Variants in RIC1 observed in about 807,000 individuals in gnomAD.
RIC1 encodes the protein guanine nucleotide exchange factor subunit RIC1.
In RIC1, 88 loss-of-function variants were observed where a neutral mutation model predicts 169.0. The observed-to-expected ratio is 0.52, with a 90% CI of 0.44 to 0.62. The LOEUF (loss-of-function observed/expected upper bound fraction) is 0.62, where lower values mean the gene tolerates loss of function less well. Ranked by LOEUF, RIC1 falls within the 20% of genes least tolerant of loss-of-function variation. The probability of loss-of-function intolerance (pLI) is 0.00; values close to 1 mark genes in which losing one functional copy is unlikely to be tolerated. For synonymous variants in RIC1, 790 were observed against 601.5 expected, an observed-to-expected ratio of 1.31 and a Z score of -4.59; for missense variants, 1,877 against 1,725.5, an observed-to-expected ratio of 1.09 and a Z score of -1.56.
At chr9:5,720,512 A>G in intron 5 of RIC1, 102 bp from the exon 6 acceptor site, 1 of 1,266,122 alleles carries the variant, frequency 7.9e-7, no homozygotes, top group Non-Finnish European at 1.1e-6. Flanking sequence ...TTGTTAGGTC[A>G]TTATTTTTAC....
chr9:5,654,829 A>G (rs977868009), intron 1 of RIC1, among the ~76,000 whole-genome samples: 1 of 152,214 alleles, frequency 6.6e-6, no homozygotes, highest in African/African-American at 2.4e-5. Flanking sequence ...TAGGGATTAC[A>G]GGCATGAGCT....
chr9:5,754,202 A>T (rs1468151283), intron 14 of RIC1, among the ~76,000 whole-genome samples: 1 of 151,626 alleles, frequency 6.6e-6, no homozygotes, highest in Admixed American at 6.6e-5. Context: ...TGATGTAAAC[A>T]CACACACACA....
chr9:5,681,140 T>A (rs28792673), intron 2 of RIC1, among the ~76,000 whole-genome samples: 2 of 151,724 alleles, frequency 1.3e-5, no homozygotes. Context: ...TTTTTTAAGG[T>A]TTTTTTGTGT....
intron 2 of RIC1, among the ~76,000 whole-genome samples, chr9:5,669,839 C>T (rs1302484224): frequency 6.6e-6 from 1 of 152,070 alleles, no homozygotes; most frequent in Non-Finnish European, 1.5e-5. Context: ...GGGATTCTGG[C>T]TAAAACAACA....
chr9:5,682,617 G>C (rs1381154546), intron 2 of RIC1, among the ~76,000 whole-genome samples: 3 of 152,084 alleles, frequency 2.0e-5, no homozygotes, highest in Admixed American at 6.6e-5. Context: ...CAACTTTGCT[G>C]AATCTGACAA....
chr9:5,734,137 C>T lies in RIC1; in HGVS notation c.812+1658C>T, dbSNP rs141856029. On this transcript the variant is annotated intron_variant, in intron 7 of 25. Transcript: ENST00000414202. ...TTTATTTTATTTTTTGAGACAGTCT[C>T]GCTCTGTCGCCCTGGCTAGAGTGCA... Among the ~76,000 whole-genome samples the T allele has an allele frequency of 4.7e-4, 70 of 149,980 alleles. No individual in the cohort carries two copies. In the East Asian group the frequency reaches 0.01, roughly 22 times the overall value.
intron 7 of RIC1, among the ~76,000 whole-genome samples, chr9:5,737,548 A>G (rs908462735): frequency 6.6e-6 from 1 of 151,028 alleles, no homozygotes; most frequent in Non-Finnish European, 1.5e-5. Flanking sequence ...TATATCTACT[A>G]TATATATATC....
intron 2 of RIC1, among the ~76,000 whole-genome samples, chr9:5,668,595 T>A (rs945218905): frequency 6.6e-6 from 1 of 152,206 alleles, no homozygotes; most frequent in African/African-American, 2.4e-5. Flanking sequence ...TTTTGCTCCT[T>A]AGATTGCATA....
intron 7 of RIC1, among the ~76,000 whole-genome samples, chr9:5,737,008 G>C (rs1281386271): frequency 2.0e-5 from 3 of 151,038 alleles, no homozygotes; most frequent in African/African-American, 7.3e-5. Context: ...CAATCTGGTA[G>C]TCATAAACCA....
At chr9:5,753,104 T>C (rs1825816161) in intron 12 of RIC1, 96 bp from the exon 13 acceptor site, 3 of 1,117,246 alleles carry the variant, frequency 2.7e-6, no homozygotes, top group Admixed American at 1.7e-5. Flanking sequence ...CCTTAAACAT[T>C]GTTCGGCAAG....
intron 7 of RIC1, among the ~76,000 whole-genome samples, chr9:5,738,071 T>A (rs1213024881): frequency 6.6e-6 from 1 of 152,180 alleles, no homozygotes; most frequent in Non-Finnish European, 1.5e-5. Context: ...TCCATGTGGC[T>A]AAAGTTCATT....
intron 2 of RIC1, among the ~76,000 whole-genome samples, chr9:5,687,870 A>T (rs1821346682): frequency 6.6e-6 from 1 of 152,090 alleles, no homozygotes; most frequent in African/African-American, 2.4e-5. Context: ...GGGCTACATG[A>T]AGTTGTTCCT....
intron 2 of RIC1, among the ~76,000 whole-genome samples, chr9:5,667,681 T>C (rs1246878426): frequency 6.6e-6 from 1 of 152,106 alleles, no homozygotes; most frequent in Non-Finnish European, 1.5e-5. Context: ...TTTTGTTTAA[T>C]TTTTGTAGAG....
chr9:5,691,521 T>C (rs763012810), intron 3 of RIC1, among the ~76,000 whole-genome samples: 5 of 151,972 alleles, frequency 3.3e-5, no homozygotes, highest in Non-Finnish European at 5.9e-5. Context: ...TAAAAATATT[T>C]AGTGCAAAAA....
chr9:5,728,967 T>C (rs1381763420), intron 6 of RIC1, among the ~76,000 whole-genome samples: 2 of 152,186 alleles, frequency 1.3e-5, no homozygotes, highest in African/African-American at 4.8e-5. Flanking sequence ...CTGAGTTATT[T>C]ACTTGGGGGT....
At chr9:5,691,454 CTT>C (rs548062349) in intron 3 of RIC1, among the ~76,000 whole-genome samples, 135 of 152,028 alleles carry the variant, frequency 8.9e-4, no homozygotes, top group African/African-American at 3.1e-3. Context: ...TTTTGGAAAT[CTT>C]TAAAGTACAG....
Position 5,774,345 on chromosome 9 carries a change from C to T in RIC1, c.*99C>T. ...GATGATTTAACAGGAGAACTCAGTT[C>T]AGAGACTCTTCGGTAAGTATTAGTA... On this transcript the variant is annotated 3_prime_UTR_variant, in exon 26 of 26. Transcript: ENST00000414202. The T allele has an allele frequency of 9.8e-7, 1 of 1,022,938 alleles. No homozygotes were observed. Among genetic ancestry groups the T allele is most frequent in the Non-Finnish European group, 1.4e-6 (1 of 708,408 alleles). 63.4% of individuals were successfully genotyped at this position (1,022,938 alleles called of 1,614,324 possible). A position where few individuals can be genotyped will look rare whatever the true frequency, so the allele number is the denominator to read the frequency against.
rs1231473884 is a variant in RIC1 at position 5,769,229 on chromosome 9, C to G, written c.3397C>G (p.Pro1133Ala). ...PIIPASSISSPFKNGKYRTVG... is the reference protein window; with the variant it reads ...PIIPASSISSAFKNGKYRTVG... ...CATCCCAGCCTCTTCTATCAGTTCT[C>G]CTTTCAAAAATGGAAAATACCGAAC... is the stretch of plus-strand genomic sequence containing the variant. Residue 1133 changes from proline (P) to alanine (A), a missense_variant, in exon 22 of 26, where the codon CCT (proline) becomes GCT (alanine). Transcript: ENST00000414202. The G allele has an allele frequency of 6.2e-7, 1 of 1,614,120 alleles. No homozygotes were observed. Among genetic ancestry groups the G allele is most frequent in the African/African-American group, 1.3e-5 (1 of 75,034 alleles).
intron 22 of RIC1, 124 bp from the exon 23 acceptor site, chr9:5,769,963 A>T: frequency 1.3e-6 from 1 of 798,584 alleles, no homozygotes; most frequent in Non-Finnish European, 1.9e-6. Flanking sequence ...CAGGACAGTA[A>T]TTGCCTTTGA....
Sources: gnomAD v4.1 joint callset for allele counts (sites outside exome capture counted in the v4.1 genomes callset) on GRCh38, gnomAD v4.1.1 for gene constraint, MANE v1.5 for transcripts, NCBI Gene and HGNC (gene_info 2026-07-23, HGNC 2026-07-21) for gene names.